The following C14orf39 variants were observed in gnomAD, a reference collection of about 807,000 sequenced individuals.
C14orf39 encodes the protein chromosome 14 open reading frame 39.
In C14orf39, 66 loss-of-function variants were observed where a neutral mutation model predicts 85.6. The ratio of observed to expected loss-of-function variants is 0.77; its 90% CI spans 0.63 to 0.95. C14orf39 has a LOEUF of 0.95. Ranked by LOEUF, C14orf39 falls within the 40% of genes least tolerant of loss-of-function variation. The pLI, the probability that C14orf39 is intolerant of heterozygous loss-of-function variation, is 0.00. For missense variants in C14orf39, 735 were observed against 663.9 expected (o/e 1.11, Z -1.18); for synonymous variants, 242 against 214.0 (o/e 1.13, Z -1.14).
At chr14:60,473,308 T>C (rs896868608) in intron 5 of C14orf39, among the ~76,000 whole-genome samples, 4 of 152,342 alleles carry the variant, frequency 2.6e-5, no homozygotes, top group African/African-American at 9.6e-5. Flanking sequence ...ATATCAGCCC[T>C]TTCTCAGATG....
chr14:60,436,358 A>C lies in C14orf39; in HGVS notation c.*487T>G, dbSNP rs1347087218. On this transcript the variant is annotated 3_prime_UTR_variant, in exon 18 of 18. Coordinates refer to ENST00000321731, the MANE Select transcript of C14orf39 (RefSeq NM_174978.3). Reference sequence around the variant, plus strand: ...TTTTGTTATTAACATAAATTATTTGAAATTATTATTACAGTACCACTCTGT... The same window carrying C: ...TTTTGTTATTAACATAAATTATTTGCAATTATTATTACAGTACCACTCTGT... The C allele has an allele frequency of 6.6e-6, 1 of 152,114 alleles. No individual in the cohort carries two copies. Among genetic ancestry groups the C allele is most frequent in the Non-Finnish European group, 1.5e-5 (1 of 68,032 alleles). The allele number at this position is 152,114 out of a possible 1,614,324, so 9.4% of individuals were successfully genotyped here.
Position 60,484,131 on chromosome 14 carries a change from T to C in C14orf39, c.107-314A>G, listed in dbSNP as rs1407975587. On this transcript the variant is annotated intron_variant, in intron 3 of 17. Coordinates refer to ENST00000321731, the MANE Select transcript of C14orf39 (RefSeq NM_174978.3). This position sits in a 1 kb window ranked among gnomAD's most constrained non-coding sequence, Gnocchi z 4.2. Reference sequence around the variant, plus strand: ...AGGTCAATCGTATCTTAAGATGCTATGAATTCTTGCAAACATTTATTCGTT... The same window carrying C: ...AGGTCAATCGTATCTTAAGATGCTACGAATTCTTGCAAACATTTATTCGTT... 6.6e-6 allele frequency among the ~76,000 whole-genome samples: 1 copy of C among 151,430 alleles called. No individual in the cohort carries two copies. Among genetic ancestry groups the C allele is most frequent in the Non-Finnish European group, 1.5e-5 (1 of 67,472 alleles).
At chr14:60,501,271 A>T (rs1893142488) in intron 1 of C14orf39, among the ~76,000 whole-genome samples, 1 of 139,404 alleles carries the variant, frequency 7.2e-6, no homozygotes. Flanking sequence ...GTGCCACTGC[A>T]CTCCATCCTG....
At chr14:60,455,993 T>C (rs1417522957) in intron 15 of C14orf39, among the ~76,000 whole-genome samples, 1 of 152,090 alleles carries the variant, frequency 6.6e-6, no homozygotes, top group African/African-American at 2.4e-5. Context: ...GCTCACATTA[T>C]TTTACAGTTC....
intron 16 of C14orf39, among the ~76,000 whole-genome samples, chr14:60,450,716 A>G (rs547611643): frequency 2.6e-5 from 4 of 152,162 alleles, no homozygotes; most frequent in South Asian, 2.1e-4. Flanking sequence ...CCAAGACCCA[A>G]TGCTATGCTG....
At chr14:60,481,508 T>C (rs1892637399) in intron 4 of C14orf39, among the ~76,000 whole-genome samples, 1 of 152,158 alleles carries the variant, frequency 6.6e-6, no homozygotes, top group African/African-American at 2.4e-5. Context: ...TTTTAAATCA[T>C]GCTTATTTTT....
At chr14:60,468,586 T>TA in intron 8 of C14orf39, 50 bp from the exon 9 acceptor site, 2 of 1,034,560 alleles carry the variant, frequency 1.9e-6, no homozygotes, top group Non-Finnish European at 2.8e-6. Flanking sequence ...TGCAAAGCAG[T>TA]AAAAAAAGAT....
At chr14:60,479,149 TTA>T (rs1892526918) in intron 4 of C14orf39, among the ~76,000 whole-genome samples, 1 of 152,126 alleles carries the variant, frequency 6.6e-6, no homozygotes, top group Non-Finnish European at 1.5e-5. Context: ...ATAATGACTA[TTA>T]TTGTTTTAAT....
chr14:60,463,363 T>G (rs567462111), intron 11 of C14orf39, among the ~76,000 whole-genome samples: 38 of 152,294 alleles, frequency 2.5e-4, no homozygotes, highest in Non-Finnish European at 4.4e-5. Context: ...TCTGTTATTG[T>G]CTTTTAACTT....
chr14:60,472,536 T>C (rs1488507074), intron 5 of C14orf39, among the ~76,000 whole-genome samples: 1 of 152,174 alleles, frequency 6.6e-6, no homozygotes, highest in Non-Finnish European at 1.5e-5. Flanking sequence ...TATCTCCTAA[T>C]GCTATCTCTC....
At chr14:60,509,723 C>A in intron 1 of C14orf39, 1 of 1,614,118 alleles carries the variant, frequency 6.2e-7, no homozygotes, top group African/African-American at 1.3e-5. Context: ...ACCCCTGGGA[C>A]CTGTGGACAA....
chr14:60,481,808 T>C (rs1036432131), intron 4 of C14orf39, among the ~76,000 whole-genome samples: 2 of 152,202 alleles, frequency 1.3e-5, no homozygotes, highest in African/African-American at 2.4e-5. Flanking sequence ...AATAGGACTT[T>C]TGCTTTTTCT....
chr14:60,510,243 G>T (rs1381593538), intron 1 of C14orf39, among the ~76,000 whole-genome samples: 1 of 152,146 alleles, frequency 6.6e-6, no homozygotes, highest in Non-Finnish European at 1.5e-5. Flanking sequence ...GAGAGGGGAA[G>T]AGAAATAAAA....
intron 1 of C14orf39, among the ~76,000 whole-genome samples, chr14:60,504,453 A>G (rs1244155691): frequency 6.6e-6 from 1 of 152,264 alleles, no homozygotes; most frequent in Non-Finnish European, 1.5e-5. Context: ...TTAAGTTTCT[A>G]TGTGTATTTT....
At chr14:60,440,688 A>AG (rs1346344027) in intron 17 of C14orf39, among the ~76,000 whole-genome samples, 1 of 152,096 alleles carries the variant, frequency 6.6e-6, no homozygotes, top group East Asian at 1.9e-4. Flanking sequence ...CATTTCACTC[A>AG]GAAAAAAAAC....
At chr14:60,495,376 C>G (rs80208433) in intron 2 of C14orf39, 2,683 of 194,178 alleles carry the variant, frequency 0.014, 76 homozygotes, top group African/African-American at 0.06. Context: ...TCTACCCTTA[C>G]ATTCTGAAGA....
At chr14:60,493,683 T>C (rs1016829517) in intron 2 of C14orf39, 2 of 152,232 alleles carry the variant, frequency 1.3e-5, no homozygotes, top group South Asian at 2.1e-4. Context: ...ACAATGGTGA[T>C]TGTAGGACTG....
intron 17 of C14orf39, among the ~76,000 whole-genome samples, chr14:60,439,659 C>T (rs1206036271): frequency 1.3e-5 from 2 of 152,048 alleles, no homozygotes; most frequent in Non-Finnish European, 2.9e-5. Flanking sequence ...ACTGTACAAT[C>T]AGAAATAAGG....
At chr14:60,440,792 T>C (rs1286827229) in intron 17 of C14orf39, among the ~76,000 whole-genome samples, 1 of 152,174 alleles carries the variant, frequency 6.6e-6, no homozygotes, top group Admixed American at 6.5e-5. Flanking sequence ...CCTTATTCCA[T>C]AAATCATACC....
Sources: allele counts gnomAD v4.1 joint callset (sites outside exome capture counted in the v4.1 genomes callset), GRCh38; gene constraint gnomAD v4.1.1; non-coding constraint Gnocchi (gnomAD v3.1); transcripts MANE v1.5; gene names NCBI Gene and HGNC (gene_info 2026-07-23, HGNC 2026-07-21).